SNTG1: variants seen among roughly 807,000 people sequenced by gnomAD.
The protein encoded by SNTG1 is syntrophin gamma 1, also known as gamma-1-syntrophin.
Under a neutral mutation model 74.7 loss-of-function variants are expected in SNTG1, and 39 were observed. The observed-to-expected ratio is 0.52, with a 90% CI of 0.40 to 0.68. The LOEUF (loss-of-function observed/expected upper bound fraction) is 0.68. SNTG1 is among the 30% of genes least tolerant of loss of function. The probability of loss-of-function intolerance (pLI) is 0.00; values close to 1 mark genes in which losing one functional copy is unlikely to be tolerated. For missense variants in SNTG1, 685 were observed against 609.5 expected, an observed-to-expected ratio of 1.12 and a Z score of -1.30; for synonymous variants, 254 against 217.1, an observed-to-expected ratio of 1.17 and a Z score of -1.49.
chr8:50,185,320 A>G (rs776306331), intron 2 of SNTG1, among the ~76,000 whole-genome samples: 38 of 152,194 alleles, frequency 2.5e-4, no homozygotes, highest in Non-Finnish European at 5.0e-4. Context: ...GCCTTCTGCC[A>G]TGACTGTAAG....
At chr8:50,507,486 A>G (rs1416272766) in intron 9 of SNTG1, among the ~76,000 whole-genome samples, 3 of 152,022 alleles carry the variant, frequency 2.0e-5, no homozygotes, top group South Asian at 4.1e-4. Context: ...GAATTTATTA[A>G]TGATTCAATT....
intron 13 of SNTG1, among the ~76,000 whole-genome samples, chr8:50,596,773 A>G (rs940957477): frequency 6.6e-6 from 1 of 152,088 alleles, no homozygotes; most frequent in African/African-American, 2.4e-5. Context: ...TTTTTTATTA[A>G]TGTTTTTATA....
At chr8:50,325,084 A>G (rs545961900) in intron 2 of SNTG1, among the ~76,000 whole-genome samples, 2 of 149,432 alleles carry the variant, frequency 1.3e-5, no homozygotes, top group African/African-American at 4.9e-5. Flanking sequence ...ATATGCATAT[A>G]TACATATATA....
intron 2 of SNTG1, among the ~76,000 whole-genome samples, chr8:50,225,289 G>C (rs2132020814): frequency 6.6e-6 from 1 of 152,212 alleles, no homozygotes; most frequent in South Asian, 2.1e-4. Flanking sequence ...CTCTGAAGCA[G>C]GCTACCTGGA....
intron 18 of SNTG1, among the ~76,000 whole-genome samples, chr8:50,752,401 G>A (rs941194530): frequency 3.3e-5 from 5 of 151,882 alleles, no homozygotes; most frequent in Admixed American, 1.3e-4. Flanking sequence ...AACTAAAGCA[G>A]TCCTTTGGTA....
At chr8:50,482,025 G>A (rs2093745126) in intron 8 of SNTG1, among the ~76,000 whole-genome samples, 1 of 152,154 alleles carries the variant, frequency 6.6e-6, no homozygotes, top group South Asian at 2.1e-4. Context: ...AGTGAACATA[G>A]GAACAGAATC....
chr8:50,736,412 C>T (rs1011720654), intron 17 of SNTG1, among the ~76,000 whole-genome samples: 3 of 152,072 alleles, frequency 2.0e-5, no homozygotes, highest in Non-Finnish European at 2.9e-5. Context: ...TACAGGAGCA[C>T]TCAGATTCAT....
chr8:50,530,595 T>C (rs1263672873), intron 10 of SNTG1, among the ~76,000 whole-genome samples: 1 of 152,192 alleles, frequency 6.6e-6, no homozygotes, highest in Admixed American at 6.5e-5. Context: ...CTCACTTTTT[T>C]CTTTTGAAAT....
chr8:50,127,478 C>T (rs1029213273), intron 1 of SNTG1, among the ~76,000 whole-genome samples: 2 of 151,990 alleles, frequency 1.3e-5, no homozygotes, highest in South Asian at 2.1e-4. Context: ...TTATTCTGGC[C>T]CACCGCCCAG....
At chr8:50,081,158 G>A (rs537023640) in intron 1 of SNTG1, among the ~76,000 whole-genome samples, 1 of 152,110 alleles carries the variant, frequency 6.6e-6, no homozygotes, top group South Asian at 2.1e-4. Flanking sequence ...CTTGAATTCA[G>A]GGCTGCTAGC....
At chr8:50,747,638 A>T (rs1435830091) in intron 17 of SNTG1, 1 of 151,908 alleles carries the variant, frequency 6.6e-6, no homozygotes, top group Non-Finnish European at 1.5e-5. Context: ...TTAATTCTTA[A>T]ATTTTGATCT....
chr8:50,390,727 G>A (rs2092645666), intron 2 of SNTG1, among the ~76,000 whole-genome samples: 1 of 152,140 alleles, frequency 6.6e-6, no homozygotes, highest in Non-Finnish European at 1.5e-5. Flanking sequence ...CCATTTGTTT[G>A]TGTCCTCTTT....
At chr8:50,277,067 A>C (rs981489829) in intron 2 of SNTG1, among the ~76,000 whole-genome samples, 1 of 152,050 alleles carries the variant, frequency 6.6e-6, no homozygotes. Context: ...TGACCTTATG[A>C]TCCACCTGCC....
intron 1 of SNTG1, among the ~76,000 whole-genome samples, chr8:49,979,940 A>C (rs1373240298): frequency 6.6e-6 from 1 of 152,258 alleles, no homozygotes; most frequent in Non-Finnish European, 1.5e-5. Context: ...GTTGAAAAAC[A>C]GTAACTGTAC....
At chr8:50,200,588 A>G (rs1238447548) in intron 2 of SNTG1, among the ~76,000 whole-genome samples, 1 of 152,024 alleles carries the variant, frequency 6.6e-6, no homozygotes, top group African/African-American at 2.4e-5. Context: ...ACAAAATGCC[A>G]TCTACACCAG....
rs138420138 is a variant in SNTG1, at chr8:49,940,665, G to A, written c.-103+28434G>A. 3.8e-3 allele frequency among the ~76,000 whole-genome samples: 583 copies of A among 152,220 alleles called. 7 individuals carry two copies. Among genetic ancestry groups the A allele is most frequent in the African/African-American group, 0.013 (535 of 41,554 alleles). On this transcript the variant is annotated intron_variant, in intron 1 of 18. Coordinates refer to ENST00000642720, the MANE Select transcript of SNTG1 (RefSeq NM_018967.5). Reference sequence around the variant, plus strand: ...TAAATACTTATTGAGGACCTAACATGTGCCCAATATTGTACTAACAACAGA... The same window carrying A: ...TAAATACTTATTGAGGACCTAACATATGCCCAATATTGTACTAACAACAGA...
intron 8 of SNTG1, among the ~76,000 whole-genome samples, chr8:50,456,476 T>G (rs997104893): frequency 6.6e-6 from 1 of 152,090 alleles, no homozygotes; most frequent in Non-Finnish European, 1.5e-5. Flanking sequence ...TGCTCTCTGC[T>G]TTAAAGATAG....
chr8:50,053,073 C>T (rs1328359990), intron 1 of SNTG1, among the ~76,000 whole-genome samples: 3 of 152,096 alleles, frequency 2.0e-5, no homozygotes, highest in Admixed American at 6.6e-5. Flanking sequence ...AATGAAACCA[C>T]GTCCCATATT....
At chr8:50,323,750 A>G (rs537801099) in intron 2 of SNTG1, among the ~76,000 whole-genome samples, 18 of 152,292 alleles carry the variant, frequency 1.2e-4, no homozygotes, top group Admixed American at 3.3e-4. Flanking sequence ...TGAAGCCAGC[A>G]CAGTACTTAG....
Sources: gnomAD v4.1 joint callset for allele counts (sites outside exome capture counted in the v4.1 genomes callset) on GRCh38, gnomAD v4.1.1 for gene constraint, MANE v1.5 for transcripts, NCBI Gene and HGNC (gene_info 2026-07-23, HGNC 2026-07-21) for gene names.